Variants in NR3C2 observed in about 807,000 individuals in gnomAD.
NR3C2 encodes the protein mineralocorticoid receptor.
Under a neutral mutation model 86.4 loss-of-function variants are expected in NR3C2, and 15 were observed. The observed-to-expected ratio is 0.17, with a 90% CI of 0.12 to 0.27. The LOEUF (loss-of-function observed/expected upper bound fraction) is 0.27. Among genes scored for constraint, NR3C2 ranks in the 10% least tolerant of loss-of-function variants. The pLI is 1.00. For synonymous variants in NR3C2, 458 were observed against 450.5 expected (o/e 1.02, Z -0.21); for missense variants, 960 against 1,195.6 (o/e 0.80, Z 2.91).
chr4:148,261,007 G>A lies in NR3C2; in HGVS notation c.1758-890C>T, dbSNP rs550277869. ...AAACAAGTTGATTTTTCAATTTGCA[G>A]TTCACATACATTTCTTGAATATTTA... On this transcript the variant is annotated intron_variant, in intron 2 of 8. Coordinates refer to ENST00000358102, the MANE Select transcript of NR3C2 (RefSeq NM_000901.5). Among the ~76,000 whole-genome samples, 9 of 152,292 alleles carry A rather than the reference G, an allele frequency of 5.9e-5. No homozygotes were observed. In the South Asian group the frequency reaches 1.9e-3, roughly 32 times the overall value.
chr4:148,382,688 C>A (rs901619391), intron 2 of NR3C2, among the ~76,000 whole-genome samples: 8 of 152,144 alleles, frequency 5.3e-5, no homozygotes, highest in East Asian at 3.8e-4. Flanking sequence ...TTAATAACAT[C>A]TTTTCTTTAA....
intron 3 of NR3C2, among the ~76,000 whole-genome samples, chr4:148,215,945 ATT>A (rs540717776): frequency 1.7e-4 from 25 of 151,146 alleles, no homozygotes; most frequent in African/African-American, 6.1e-4. Context: ...ACGCCTAGCT[ATT>A]TTTTTTGTGT....
intron 2 of NR3C2, among the ~76,000 whole-genome samples, chr4:148,319,776 G>C (rs1186969360): frequency 6.6e-6 from 1 of 150,462 alleles, no homozygotes. Context: ...GGAGATTTTG[G>C]GTTGAGACAA....
intron 2 of NR3C2, among the ~76,000 whole-genome samples, chr4:148,384,182 T>G (rs1747149026): frequency 6.6e-6 from 1 of 151,972 alleles, no homozygotes; most frequent in Admixed American, 6.6e-5. Flanking sequence ...TATTTTCTAT[T>G]ACCAAAAATA....
intron 2 of NR3C2, among the ~76,000 whole-genome samples, chr4:148,378,319 C>T (rs928209716): frequency 1.3e-5 from 2 of 151,732 alleles, no homozygotes; most frequent in South Asian, 4.2e-4. Context: ...CTGTCAATTG[C>T]AGAAGAACTG....
At chr4:148,147,283 A>G (rs72653811) in intron 6 of NR3C2, among the ~76,000 whole-genome samples, 1 of 152,228 alleles carries the variant, frequency 6.6e-6, no homozygotes, top group Non-Finnish European at 1.5e-5. Flanking sequence ...TCTGTGTCAC[A>G]TTTGAAGGCA....
chr4:148,233,396 G>A (rs1738565015), intron 3 of NR3C2, among the ~76,000 whole-genome samples: 1 of 129,528 alleles, frequency 7.7e-6, no homozygotes, highest in Admixed American at 8.9e-5. Flanking sequence ...GTCTCACTCT[G>A]TTGCCCAGAC....
intron 3 of NR3C2, among the ~76,000 whole-genome samples, chr4:148,196,894 A>G (rs1478311926): frequency 6.6e-6 from 1 of 152,220 alleles, no homozygotes; most frequent in Non-Finnish European, 1.5e-5. Flanking sequence ...ATAACGTTTC[A>G]TGATGTTGTA....
chr4:148,155,368 T>C (rs1417112254), intron 4 of NR3C2, among the ~76,000 whole-genome samples: 5 of 152,144 alleles, frequency 3.3e-5, no homozygotes, highest in Non-Finnish European at 5.9e-5. Context: ...AAAACCCCAC[T>C]GTCTCAGCCC....
chr4:148,188,900 A>G (rs1333963700), intron 4 of NR3C2, among the ~76,000 whole-genome samples: 1 of 146,606 alleles, frequency 6.8e-6, no homozygotes, highest in Non-Finnish European at 1.5e-5. Context: ...ACATTAAGGT[A>G]TATACCTTGT....
intron 2 of NR3C2, among the ~76,000 whole-genome samples, chr4:148,397,977 T>G (rs937094711): frequency 2.0e-5 from 3 of 152,180 alleles, no homozygotes; most frequent in Non-Finnish European, 4.4e-5. Context: ...GGGGGAGACC[T>G]TCCTTGCCTC....
Position 148,081,021 on chromosome 4 carries a change from G to A in NR3C2, c.*323C>T. ...AGCGAACGATACCAGAAACTACACG[G>A]CATAGTTAAAACTTCTTCCATCTGT... On this transcript the variant is annotated 3_prime_UTR_variant, in exon 9 of 9. Coordinates refer to ENST00000358102, the MANE Select transcript of NR3C2 (RefSeq NM_000901.5). 1 of 388,424 alleles carries A rather than the reference G, an allele frequency of 2.6e-6. No individual in the cohort carries two copies. The highest frequency in any genetic ancestry group is 4.9e-6 in the Non-Finnish European group (1 of 202,978). The allele number at this position is 388,424 out of a possible 1,614,324, so 24.1% of individuals were successfully genotyped here.
Position 148,308,787 on chromosome 4 carries a change from A to G in NR3C2, c.1758-48670T>C, listed in dbSNP as rs1742764526. On this transcript the variant is annotated intron_variant, in intron 2 of 8. Coordinates refer to ENST00000358102, the MANE Select transcript of NR3C2 (RefSeq NM_000901.5). ...GCTTGCTCGAGCTCAGGAGTTCGAG[A>G]CCAGCCTGAGCAACACGGTAAAACC... 2.0e-5 allele frequency among the ~76,000 whole-genome samples: 3 copies of G among 152,214 alleles called. No homozygotes were observed. The South Asian group carries it at 6.2e-4, about 32-fold the overall frequency.
Position 148,427,781 on chromosome 4 carries a change from G to C in NR3C2, c.1757+7323C>G, listed in dbSNP as rs77577445. Reference sequence around the variant, plus strand: ...AGGAAAAGTACAAGATGGGCCTAAAGCAAGGATGTGCTCAAGGAATGATAG... The same window carrying C: ...AGGAAAAGTACAAGATGGGCCTAAACCAAGGATGTGCTCAAGGAATGATAG... On this transcript the variant is annotated intron_variant, in intron 2 of 8. Transcript: ENST00000358102. 2.6e-3 allele frequency among the ~76,000 whole-genome samples: 401 copies of C among 152,222 alleles called. 2 individuals carry two copies. Among genetic ancestry groups the C allele is most frequent in the African/African-American group, 9.4e-3 (389 of 41,528 alleles).
intron 2 of NR3C2, among the ~76,000 whole-genome samples, chr4:148,265,473 G>A (rs867358249): frequency 6.6e-6 from 1 of 152,080 alleles, no homozygotes; most frequent in South Asian, 2.1e-4. Context: ...GTTGTTCCAG[G>A]AATTATCATA....
chr4:148,199,214 A>G (rs973964135), intron 3 of NR3C2, among the ~76,000 whole-genome samples: 1 of 152,142 alleles, frequency 6.6e-6, no homozygotes. Flanking sequence ...CCTCTAGATG[A>G]AAAGAGTCCA....
intron 3 of NR3C2, among the ~76,000 whole-genome samples, chr4:148,233,622 A>G (rs1480121582): frequency 6.6e-6 from 1 of 152,150 alleles, no homozygotes; most frequent in Non-Finnish European, 1.5e-5. Flanking sequence ...AGCCTCCCAA[A>G]GAGCTCAACT....
intron 2 of NR3C2, among the ~76,000 whole-genome samples, chr4:148,371,458 T>C (rs1282547932): frequency 2.6e-5 from 4 of 152,164 alleles, no homozygotes; most frequent in Non-Finnish European, 5.9e-5. Context: ...GACTTAATGA[T>C]TCTACAATTC....
chr4:148,348,427 A>C (rs956722249), intron 2 of NR3C2, among the ~76,000 whole-genome samples: 21 of 152,318 alleles, frequency 1.4e-4, no homozygotes, highest in Middle Eastern at 3.4e-3. Flanking sequence ...TATCTAGAGC[A>C]TAGGACGTGC....
Sources: gnomAD v4.1 joint callset for allele counts (sites outside exome capture counted in the v4.1 genomes callset) on GRCh38, gnomAD v4.1.1 for gene constraint, MANE v1.5 for transcripts, NCBI Gene and HGNC (gene_info 2026-07-23, HGNC 2026-07-21) for gene names.